Variants in ARHGAP18 observed in about 807,000 individuals in gnomAD.
The protein encoded by ARHGAP18 is Rho GTPase activating protein 18.
In ARHGAP18, 67 loss-of-function variants were observed where a neutral mutation model predicts 86.2. The ratio of observed to expected loss-of-function variants is 0.78; its 90% CI spans 0.64 to 0.95. The LOEUF (loss-of-function observed/expected upper bound fraction) is 0.95, where lower values mean the gene tolerates loss of function less well. Ranked by LOEUF, ARHGAP18 falls within the 40% of genes least tolerant of loss-of-function variation. The pLI is 0.00. For missense variants in ARHGAP18, 691 were observed against 780.4 expected, an observed-to-expected ratio of 0.89 and a Z score of 1.37; for synonymous variants, 283 against 280.4, an observed-to-expected ratio of 1.01 and a Z score of -0.09.
intron 1 of ARHGAP18, among the ~76,000 whole-genome samples, chr6:129,655,332 A>AG (rs1428777796): frequency 7.0e-6 from 1 of 142,198 alleles, no homozygotes; most frequent in Non-Finnish European, 1.5e-5. Context: ...AAAAAAAAAA[A>AG]AAAAAAAAAG....
intron 1 of ARHGAP18, among the ~76,000 whole-genome samples, chr6:129,662,375 ACT>A (rs574098775): frequency 1.1e-3 from 165 of 152,210 alleles, no homozygotes; most frequent in African/African-American, 3.8e-3. Context: ...GTGTAAACAC[ACT>A]CTCTCCTTTT....
intron 3 of ARHGAP18, 62 bp from the exon 4 acceptor site, chr6:129,634,167 T>A: frequency 6.9e-7 from 1 of 1,448,976 alleles, no homozygotes; most frequent in Non-Finnish European, 9.6e-7. Context: ...AATGGTACTG[T>A]AAATAATTTT....
intron 12 of ARHGAP18, among the ~76,000 whole-genome samples, chr6:129,587,839 T>C: frequency 6.6e-6 from 1 of 152,114 alleles, no homozygotes; most frequent in Middle Eastern, 3.2e-3. Context: ...AAATCTCATG[T>C]CCTCACATTT....
chr6:129,646,259 A>G (rs1240268314), intron 1 of ARHGAP18, among the ~76,000 whole-genome samples: 1 of 152,136 alleles, frequency 6.6e-6, no homozygotes, highest in South Asian at 2.1e-4. Flanking sequence ...CACTTTTCCT[A>G]TCTAAAAAAT....
intron 12 of ARHGAP18, 144 bp from the exon 13 acceptor site, chr6:129,584,256 CA>C: frequency 9.0e-7 from 1 of 1,107,822 alleles, no homozygotes; most frequent in Non-Finnish European, 1.2e-6. Flanking sequence ...ATGTAATTTG[CA>C]AAATTACATC....
At chr6:129,582,789 A>G (rs923059837) in intron 13 of ARHGAP18, among the ~76,000 whole-genome samples, 9 of 152,214 alleles carry the variant, frequency 5.9e-5, no homozygotes, top group African/African-American at 2.2e-4. Context: ...TCTACCACCT[A>G]TGAAAAATGT....
In ARHGAP18 at chr6:129,612,470, T is replaced by C. The variant is rs1788999931; in HGVS notation, c.1045-860A>G. 2.0e-5 allele frequency among the ~76,000 whole-genome samples: 3 copies of C among 152,346 alleles called. No homozygotes were observed. The South Asian group carries it at 6.2e-4, about 32-fold the overall frequency. The stretch of plus-strand genomic sequence containing the variant: ...TTTCACAATTGCCTTCCCTGCTTTA[T>C]AAAAGACAGACCTATTCTTCACTCA... On this transcript the variant is annotated intron_variant, in intron 7 of 14. Coordinates refer to ENST00000368149, the MANE Select transcript of ARHGAP18 (RefSeq NM_033515.3).
chr6:129,676,802 C>G (rs1210627018), intron 1 of ARHGAP18, among the ~76,000 whole-genome samples: 1 of 150,332 alleles, frequency 6.7e-6, no homozygotes, highest in Non-Finnish European at 1.5e-5. Context: ...TTATACCAAA[C>G]GAGACTCAAA....
At chr6:129,703,243 G>A (rs973224377) in intron 1 of ARHGAP18, among the ~76,000 whole-genome samples, 3 of 152,174 alleles carry the variant, frequency 2.0e-5, no homozygotes, top group African/African-American at 7.2e-5. Context: ...TATCAAAAAC[G>A]AGTTAAGCCT....
At chr6:129,676,577 C>G (rs1774234394) in intron 1 of ARHGAP18, among the ~76,000 whole-genome samples, 2 of 152,174 alleles carry the variant, frequency 1.3e-5, no homozygotes, top group Non-Finnish European at 2.9e-5. Context: ...ACTCATGGAG[C>G]TTAATATTAT....
chr6:129,624,515 C>T (rs61002364), intron 5 of ARHGAP18, among the ~76,000 whole-genome samples: 9,736 of 151,384 alleles, frequency 0.064, 842 homozygotes, highest in African/African-American at 0.2. Context: ...GATTCCATCT[C>T]GAGAAAAACA....
rs535813262 is a variant in ARHGAP18, at chr6:129,693,189, C to T, written c.113+16835G>A. Reference sequence around the variant, plus strand: ...ATTTCAGTGGAAAGTTCTCATGCAACAGCAAGGGTACTGAAACAATCTAGA... The same window carrying T: ...ATTTCAGTGGAAAGTTCTCATGCAATAGCAAGGGTACTGAAACAATCTAGA... On this transcript the variant is annotated intron_variant, in intron 1 of 14. Coordinates refer to ENST00000368149, the MANE Select transcript of ARHGAP18 (RefSeq NM_033515.3). Among the ~76,000 whole-genome samples, 22 of 152,318 alleles carry T rather than the reference C, an allele frequency of 1.4e-4. 1 individual carries two copies. Among genetic ancestry groups the T allele is most frequent in the African/African-American group, 4.8e-4 (20 of 41,562 alleles).
At chr6:129,581,687 G>A (rs1041527934) in intron 13 of ARHGAP18, among the ~76,000 whole-genome samples, 6 of 152,094 alleles carry the variant, frequency 3.9e-5, no homozygotes, top group Non-Finnish European at 7.3e-5. Flanking sequence ...ATGAATGAAC[G>A]TGCGATTTAT....
At chr6:129,682,572 C>A (rs983445310) in intron 1 of ARHGAP18, among the ~76,000 whole-genome samples, 1 of 152,176 alleles carries the variant, frequency 6.6e-6, no homozygotes, top group African/African-American at 2.4e-5. Flanking sequence ...TAGTGTTAGT[C>A]GAATTCTAAA....
In ARHGAP18 at chr6:129,584,125, A is replaced by G; in HGVS notation, c.1714-13T>C. 1 of 1,613,228 alleles carries G rather than the reference A, an allele frequency of 6.2e-7. No individual in the cohort carries two copies. The highest frequency in any genetic ancestry group is 8.5e-7 in the Non-Finnish European group (1 of 1,179,540). On this transcript the variant is annotated splice_polypyrimidine_tract_variant and intron_variant, in intron 12 of 14. Transcript: ENST00000368149. ...GAGGAACGTCAGCCTGCAAAGCAAT[A>G]ATGACACTGGAACAAAGCTGGCAGC...
chr6:129,609,673 G>C (rs1342191382), intron 8 of ARHGAP18, among the ~76,000 whole-genome samples: 1 of 151,356 alleles, frequency 6.6e-6, no homozygotes, highest in Non-Finnish European at 1.5e-5. Context: ...CGTGCTATAG[G>C]TGTTACATGA....
At chr6:129,592,337 C>G (rs1320287891) in intron 12 of ARHGAP18, among the ~76,000 whole-genome samples, 1 of 152,176 alleles carries the variant, frequency 6.6e-6, no homozygotes, top group Non-Finnish European at 1.5e-5. Flanking sequence ...TGCATAAAGG[C>G]ACGCAACCCT....
At chr6:129,709,908 G>A (rs927939468) in intron 1 of ARHGAP18, 116 bp downstream of exon 1, 1 of 770,056 alleles carries the variant, frequency 1.3e-6, no homozygotes, top group African/African-American at 1.7e-5. Flanking sequence ...GCTGCTGCAC[G>A]AGCTCAGGCT....
chr6:129,589,636 A>G (rs1788471107), intron 12 of ARHGAP18, among the ~76,000 whole-genome samples: 2 of 152,136 alleles, frequency 1.3e-5, no homozygotes, highest in South Asian at 4.1e-4. Context: ...TCTGCCTGTT[A>G]CCCAGTTCCA....
Sources: gnomAD v4.1 joint callset for allele counts (sites outside exome capture counted in the v4.1 genomes callset) on GRCh38, gnomAD v4.1.1 for gene constraint, MANE v1.5 for transcripts, NCBI Gene and HGNC (gene_info 2026-07-23, HGNC 2026-07-21) for gene names.